SUN1: variants seen among roughly 807,000 people sequenced by gnomAD.
The protein encoded by SUN1 is Sad1 and UNC84 domain containing 1, also known as SUN domain-containing protein 1.
A neutral mutation model predicts 103.2 loss-of-function variants in SUN1; 61 were observed. The observed-to-expected ratio is 0.59, with a 90% CI of 0.48 to 0.73. SUN1 has a LOEUF of 0.73. SUN1 is among the 30% of genes least tolerant of loss of function. The probability of loss-of-function intolerance (pLI) is 0.00; values close to 1 mark genes in which losing one functional copy is unlikely to be tolerated. For synonymous variants in SUN1, 490 were observed against 425.7 expected, an observed-to-expected ratio of 1.15 and a Z score of -1.86; for missense variants, 1,052 against 1,034.6, an observed-to-expected ratio of 1.02 and a Z score of -0.23.
intron 5 of SUN1, chr7:843,804 T>A: frequency 2.3e-5 from 32 of 1,418,930 alleles, no homozygotes; most frequent in Non-Finnish European, 2.8e-5. Context: ...AAAACTACAG[T>A]CACTTTCAGA....
chr7:835,618 C>T, intron 1 of SUN1, among the ~76,000 whole-genome samples: 1 of 152,196 alleles, frequency 6.6e-6, no homozygotes, highest in East Asian at 1.9e-4. Flanking sequence ...TCTTTGGTTT[C>T]TTTCTTCATT....
intron 1 of SUN1, among the ~76,000 whole-genome samples, chr7:837,196 T>C (rs1212677112): frequency 6.6e-6 from 1 of 152,140 alleles, no homozygotes; most frequent in Non-Finnish European, 1.5e-5. Flanking sequence ...TCTGAAGTGC[T>C]GGGGTGAGCA....
chr7:849,512 T>A, intron 5 of SUN1: 1 of 1,366,726 alleles, frequency 7.3e-7, no homozygotes, highest in African/African-American at 1.5e-5. Flanking sequence ...CTTTTGCGTG[T>A]GTTGCAGCTC....
rs762387881 is a variant in SUN1, at chr7:866,053, C to T, written c.1966C>T (p.Arg656Cys). The T allele has an allele frequency of 6.2e-7, 1 of 1,614,028 alleles. No homozygotes were observed. Among genetic ancestry groups the T allele is most frequent in the Non-Finnish European group, 8.5e-7 (1 of 1,179,958 alleles). The change falls in exon 16 of 19, where the codon CGC (arginine) becomes TGC (cysteine). Residue 656 changes from arginine to cysteine, a missense_variant. Transcript: ENST00000401592. ...IPLWYFSQSPRVVIQPDIYPG... is the reference protein window; with the variant it reads ...IPLWYFSQSPCVVIQPDIYPG... ...GCTGTGGTACTTCTCGCAGTCCCCG[C>T]GCGTGGTCATCCAGGTGAGTGGCCG...
chr7:855,113 C>T, intron 11 of SUN1, 107 bp downstream of exon 11: 2 of 876,208 alleles, frequency 2.3e-6, no homozygotes, highest in Non-Finnish European at 3.5e-6. Context: ...AGGCTATTTG[C>T]TGTTTGTTTT....
chr7:841,831 T>C (rs1231251886), intron 2 of SUN1, 115 bp from the exon 3 acceptor site: 1 of 1,111,618 alleles, frequency 9.0e-7, no homozygotes, highest in Non-Finnish European at 1.3e-6. Context: ...CATAGGAAAA[T>C]GGTTTGCCTT....
In SUN1 at chr7:824,690, C is replaced by T. The variant is rs955687576; in HGVS notation, c.-74+8017C>T. On this transcript the variant is annotated intron_variant, in intron 1 of 17. Transcript: ENST00000389574. ...GTAGAAGTCGTCGTTTTCTTTGACA[C>T]TCAGCTGTTTTCTTGATGTTCAGGC... Among the ~76,000 whole-genome samples, 3 of 152,292 alleles carry T rather than the reference C, an allele frequency of 2.0e-5. No individual in the cohort carries two copies. In the South Asian group the frequency reaches 6.2e-4, roughly 32 times the overall value.
chr7:860,058 A>G, intron 13 of SUN1, 70 bp from the exon 14 acceptor site: 1 of 1,565,562 alleles, frequency 6.4e-7, no homozygotes, highest in Non-Finnish European at 8.7e-7. Context: ...GGTATCTAAG[A>G]TAATGGACCC....
intron 1 of SUN1, among the ~76,000 whole-genome samples, chr7:826,405 C>T (rs1344812999): frequency 2.0e-5 from 3 of 152,102 alleles, no homozygotes; most frequent in Non-Finnish European, 2.9e-5. Flanking sequence ...CGGTGTCTCT[C>T]GGGAAGGTCC....
At chr7:826,680 C>T (rs1298230802) in intron 1 of SUN1, among the ~76,000 whole-genome samples, 3 of 152,172 alleles carry the variant, frequency 2.0e-5, no homozygotes, top group South Asian at 2.1e-4. Flanking sequence ...TTGCGGGATC[C>T]GTGTGGGCAG....
chr7:867,836 A>G (rs1000023864), intron 16 of SUN1, among the ~76,000 whole-genome samples: 4 of 152,210 alleles, frequency 2.6e-5, no homozygotes, highest in Non-Finnish European at 4.4e-5. Flanking sequence ...ACTGAACGTC[A>G]GGGAGGTTGC....
At chr7:847,231 TTA>T (rs1816756012) in intron 5 of SUN1, among the ~76,000 whole-genome samples, 1 of 151,638 alleles carries the variant, frequency 6.6e-6, no homozygotes, top group Non-Finnish European at 1.5e-5. Context: ...CCCCTGGGGG[TTA>T]CCCCGCAGTC....
intron 14 of SUN1, among the ~76,000 whole-genome samples, chr7:860,906 C>T (rs1831705577): frequency 6.6e-6 from 1 of 152,204 alleles, no homozygotes. Flanking sequence ...ATCACGAGAA[C>T]AGCACGGGAG....
chr7:834,668 C>T (rs1240464956), intron 1 of SUN1, among the ~76,000 whole-genome samples: 1 of 152,234 alleles, frequency 6.6e-6, no homozygotes, highest in African/African-American at 2.4e-5. Context: ...AGCGGCCGTT[C>T]CTGATGGCTT....
intron 18 of SUN1, 29 bp downstream of exon 18, chr7:872,591 GTC>G: frequency 6.5e-7 from 1 of 1,538,218 alleles, no homozygotes; most frequent in Non-Finnish European, 8.8e-7. Flanking sequence ...ACTGCCTGGG[GTC>G]TCTGAGTCCC....
chr7:843,816 G>T (rs1198341521), intron 5 of SUN1: 2 of 1,408,328 alleles, frequency 1.4e-6, no homozygotes, highest in African/African-American at 2.9e-5. Context: ...ACTTTCAGAT[G>T]CACACCTTTA....
chr7:852,851 T>G lies in SUN1; in HGVS notation c.952T>G (p.Leu318Val), dbSNP rs376321452. 3 of 1,613,718 alleles carry G rather than the reference T, an allele frequency of 1.9e-6. No individual in the cohort carries two copies. Among genetic ancestry groups the G allele is most frequent in the Non-Finnish European group, 2.5e-6 (3 of 1,179,790 alleles). ...LRGQGNFFSF[L>V]PVLNWASMHR... ...GGGCCAGGGCAATTTCTTTTCGTTC[T>G]TGCCCGTGTTGAACTGGGCAAGCAT... Residue 318 changes from leucine (L) to valine (V), a missense_variant, in exon 9 of 19, where the codon TTG (leucine) becomes GTG (valine). Coordinates refer to ENST00000401592, the MANE Select transcript of SUN1 (RefSeq NM_001130965.3).
chr7:849,576 C>T (rs1175390149), intron 5 of SUN1: 3 of 1,429,924 alleles, frequency 2.1e-6, no homozygotes, highest in South Asian at 1.1e-5. Flanking sequence ...AGAGGATGGC[C>T]ACCTCAGTGT....
chr7:828,616 C>T (rs907849915), upstream of SUN1, among the ~76,000 whole-genome samples: 3 of 152,164 alleles, frequency 2.0e-5, no homozygotes, highest in Non-Finnish European at 4.4e-5. Context: ...GGTTTGAAAC[C>T]AAAGTTTGCA....
Sources: gnomAD v4.1 joint callset for allele counts (sites outside exome capture counted in the v4.1 genomes callset) on GRCh38, gnomAD v4.1.1 for gene constraint, MANE v1.5 for transcripts, NCBI Gene and HGNC (gene_info 2026-07-23, HGNC 2026-07-21) for gene names.